Variants in ZC2HC1A observed in about 807,000 individuals in gnomAD.
ZC2HC1A encodes the protein zinc finger C2HC-type containing 1A.
ZC2HC1A carries 28 observed loss-of-function variants against 40.7 expected under a neutral mutation model. The ratio of observed to expected loss-of-function variants is 0.69; its 90% CI spans 0.51 to 0.94. The LOEUF is 0.94. ZC2HC1A is among the 40% of genes least tolerant of loss of function. ZC2HC1A has a pLI of 0.00. For synonymous variants in ZC2HC1A, 129 were observed against 129.2 expected (o/e 1.00, Z 0.01); for missense variants, 389 against 386.3 (o/e 1.01, Z -0.06).
intron 7 of ZC2HC1A, among the ~76,000 whole-genome samples, chr8:78,703,512 C>T (rs1481951954): frequency 6.7e-6 from 1 of 149,400 alleles, no homozygotes; most frequent in Non-Finnish European, 1.5e-5. Context: ...TAAATTGAAC[C>T]CTTTACCATT....
At chr8:78,677,351 C>CT (rs1809613450) in intron 2 of ZC2HC1A, among the ~76,000 whole-genome samples, 1 of 145,942 alleles carries the variant, frequency 6.9e-6, no homozygotes, top group Non-Finnish European at 1.5e-5. Context: ...ATGGACAACT[C>CT]TTTAAAAAAA....
At chr8:78,693,418 G>A (rs368271948) in intron 5 of ZC2HC1A, among the ~76,000 whole-genome samples, 1 of 152,192 alleles carries the variant, frequency 6.6e-6, no homozygotes, top group Non-Finnish European at 1.5e-5. Flanking sequence ...TTTAATTATC[G>A]CCATTCTAAC....
chr8:78,701,726 C>T (rs767211658), intron 7 of ZC2HC1A, among the ~76,000 whole-genome samples: 1 of 152,116 alleles, frequency 6.6e-6, no homozygotes, highest in African/African-American at 2.4e-5. Context: ...TATTGAAAAC[C>T]TTTTCGTCAT....
intron 5 of ZC2HC1A, among the ~76,000 whole-genome samples, chr8:78,693,020 T>C (rs1389646225): frequency 6.6e-6 from 1 of 152,028 alleles, no homozygotes; most frequent in Non-Finnish European, 1.5e-5. Flanking sequence ...CTGAGAATGA[T>C]GGTTTCCAGC....
rs1208996153 is a variant in ZC2HC1A at position 78,711,857 on chromosome 8, C to G, written c.705-3364C>G. 1.8e-5 allele frequency: 8 copies of G among 441,134 alleles called. No individual in the cohort carries two copies. The East Asian group carries it at 4.2e-4, about 23-fold the overall frequency. The allele number at this position is 441,134 out of a possible 1,614,324, so 27.3% of individuals were successfully genotyped here. A position where few individuals can be genotyped will look rare whatever the true frequency, so the allele number is the denominator to read the frequency against. Reference sequence around the variant, plus strand: ...GGATTCTTTTGGACATTAGTTCTTACCTTGACAGTCAGATAAAATTAAGGA... The same window carrying G: ...GGATTCTTTTGGACATTAGTTCTTAGCTTGACAGTCAGATAAAATTAAGGA... On this transcript the variant is annotated intron_variant, in intron 7 of 8. Transcript: ENST00000263849.
rs558401508 is a variant in ZC2HC1A, at chr8:78,697,394, T to C, written c.505-13T>C. On this transcript the variant is annotated splice_polypyrimidine_tract_variant and intron_variant, in intron 5 of 8. Coordinates refer to ENST00000263849, the MANE Select transcript of ZC2HC1A (RefSeq NM_016010.3). ...AAGTGATGTTGATTAATATTTTTTT[T>C]CCATTATTTTAGTATAAGCCACCCG... 60 of 1,566,138 alleles carry C rather than the reference T, an allele frequency of 3.8e-5. 1 individual carries two copies. In the South Asian group the frequency reaches 5.5e-4, roughly 14 times the overall value.
intron 4 of ZC2HC1A, 72 bp from the exon 5 acceptor site, chr8:78,689,150 G>C: frequency 8.4e-7 from 1 of 1,187,964 alleles, no homozygotes; most frequent in African/African-American, 1.6e-5. Context: ...TGACTGCATA[G>C]AAACTTAAGA....
rs75921497 is a variant in ZC2HC1A at position 78,706,179 on chromosome 8, C to G, written c.704+7666C>G. On this transcript the variant is annotated intron_variant, in intron 7 of 8. Coordinates refer to ENST00000263849, the MANE Select transcript of ZC2HC1A (RefSeq NM_016010.3). The stretch of plus-strand genomic sequence containing the variant: ...CTGGGAGTTCCATCCCAGGTAGGCT[C>G]AAAACTGCTACTGGTGGCTGGCTGG... Among the ~76,000 whole-genome samples the G allele has an allele frequency of 9.3e-4, 142 of 152,236 alleles. 1 individual carries two copies. The East Asian group carries it at 0.012, about 13-fold the overall frequency.
chr8:78,718,420 C>T lies in ZC2HC1A; in HGVS notation c.*927C>T, dbSNP rs1157992750. On this transcript the variant is annotated 3_prime_UTR_variant, in exon 9 of 9. Coordinates refer to ENST00000263849, the MANE Select transcript of ZC2HC1A (RefSeq NM_016010.3). ...GAATTTAGAATAAATCATTTTAATG[C>T]ATCTTAAATCACGTCACCTAATCAT... 1 of 151,872 alleles carries T rather than the reference C, an allele frequency of 6.6e-6. No individual in the cohort carries two copies. Among genetic ancestry groups the T allele is most frequent in the African/African-American group, 2.4e-5 (1 of 41,420 alleles). The allele number at this position is 151,872 out of a possible 1,614,324, so 9.4% of individuals were successfully genotyped here.
At chr8:78,697,545 A>G (rs1462493794) in intron 6 of ZC2HC1A, 39 bp downstream of exon 6, 2 of 1,512,328 alleles carry the variant, frequency 1.3e-6, no homozygotes, top group East Asian at 4.5e-5. Context: ...TGTTTTTGAA[A>G]CCATGTTGGC....
intron 7 of ZC2HC1A, chr8:78,712,029 A>G: frequency 7.8e-7 from 1 of 1,289,746 alleles, no homozygotes; most frequent in Non-Finnish European, 1.0e-6. Flanking sequence ...GAACGGGAAG[A>G]CTTGTGCAAA....
chr8:78,689,404 G>A (rs200077086), intron 5 of ZC2HC1A, 31 bp downstream of exon 5: 368 of 1,526,246 alleles, frequency 2.4e-4, no homozygotes, highest in Non-Finnish European at 2.9e-4. Context: ...TGCTATAAAC[G>A]AGAAAATGGC....
At chr8:78,712,989 T>C (rs1407076691) in intron 7 of ZC2HC1A, among the ~76,000 whole-genome samples, 1 of 152,308 alleles carries the variant, frequency 6.6e-6, no homozygotes, top group East Asian at 1.9e-4. Flanking sequence ...TTTTAAGTAG[T>C]GATAAATCCT....
chr8:78,707,654 A>G (rs914732653), intron 7 of ZC2HC1A, among the ~76,000 whole-genome samples: 10 of 152,304 alleles, frequency 6.6e-5, no homozygotes, highest in African/African-American at 2.4e-4. Context: ...ATAACTGTCA[A>G]TCATACCTGT....
chr8:78,689,189 C>T (rs760219335), intron 4 of ZC2HC1A, 33 bp from the exon 5 acceptor site: 12 of 1,407,780 alleles, frequency 8.5e-6, no homozygotes, highest in South Asian at 1.7e-5. Context: ...AAGTACTATG[C>T]TATTAATCTG....
intron 8 of ZC2HC1A, among the ~76,000 whole-genome samples, chr8:78,715,912 C>T (rs1811085607): frequency 6.6e-6 from 1 of 151,278 alleles, no homozygotes; most frequent in Non-Finnish European, 1.5e-5. Flanking sequence ...TGGTGTTGCA[C>T]ACCTGTAATC....
intron 7 of ZC2HC1A, among the ~76,000 whole-genome samples, chr8:78,714,919 T>G (rs1394029780): frequency 6.6e-6 from 1 of 152,172 alleles, no homozygotes; most frequent in Non-Finnish European, 1.5e-5. Flanking sequence ...AAATATAAAT[T>G]TAAACTGTTT....
chr8:78,680,232 A>G (rs1809727055), intron 3 of ZC2HC1A, among the ~76,000 whole-genome samples: 1 of 144,988 alleles, frequency 6.9e-6, no homozygotes, highest in Admixed American at 7.4e-5. Context: ...AATTCTAGAA[A>G]AAAGCAAAGT....
chr8:78,690,496 C>T (rs764265427), intron 5 of ZC2HC1A, among the ~76,000 whole-genome samples: 5 of 150,816 alleles, frequency 3.3e-5, no homozygotes, highest in African/African-American at 1.2e-4. Context: ...GGAGGAGGAG[C>T]TTGCAGTGAG....
Sources: allele counts gnomAD v4.1 joint callset (sites outside exome capture counted in the v4.1 genomes callset), GRCh38; gene constraint gnomAD v4.1.1; transcripts MANE v1.5; gene names NCBI Gene and HGNC (gene_info 2026-07-23, HGNC 2026-07-21).